GRM7: variants seen among roughly 807,000 people sequenced by gnomAD.
GRM7 encodes the protein metabotropic glutamate receptor 7.
Under a neutral mutation model 84.5 loss-of-function variants are expected in GRM7, and 35 were observed. The ratio of observed to expected loss-of-function variants is 0.41; its 90% confidence interval spans 0.32 to 0.55. The LOEUF (loss-of-function observed/expected upper bound fraction) is 0.55, where lower values mean the gene tolerates loss of function less well. GRM7 is among the 20% of genes least tolerant of loss of function. The pLI is 0.19. For missense variants in GRM7, 1,003 were observed against 1,194.6 expected (o/e 0.84, Z 2.36); for synonymous variants, 487 against 455.1 (o/e 1.07, Z -0.89).
intron 4 of GRM7, among the ~76,000 whole-genome samples, chr3:7,362,665 C>T (rs952608564): frequency 2.6e-5 from 4 of 152,010 alleles, no homozygotes; most frequent in African/African-American, 7.2e-5. Context: ...ATACCTTATG[C>T]GTGCTTCTTT....
intron 2 of GRM7, among the ~76,000 whole-genome samples, chr3:7,241,992 C>A (rs1292721787): frequency 6.6e-6 from 1 of 152,094 alleles, no homozygotes; most frequent in Non-Finnish European, 1.5e-5. Flanking sequence ...CTTAGTACTT[C>A]TTTTATAGCT....
chr3:7,429,848 A>G (rs1306067156), intron 5 of GRM7, among the ~76,000 whole-genome samples: 1 of 152,218 alleles, frequency 6.6e-6, no homozygotes, highest in Non-Finnish European at 1.5e-5. Context: ...TCCTTGTAAA[A>G]AGTTTAAACC....
chr3:7,727,786 G>A (rs988685061), intron 9 of GRM7, among the ~76,000 whole-genome samples: 1 of 152,050 alleles, frequency 6.6e-6, no homozygotes, highest in African/African-American at 2.4e-5. Flanking sequence ...GTTTTATATT[G>A]GTCGAGCTTT....
At chr3:7,637,040 T>G (rs1301341283) in intron 8 of GRM7, among the ~76,000 whole-genome samples, 1 of 152,250 alleles carries the variant, frequency 6.6e-6, no homozygotes, top group African/African-American at 2.4e-5. Context: ...TGAGGCATTC[T>G]AAATTTTTGC....
At chr3:7,619,472 C>G (rs1316394621) in intron 8 of GRM7, among the ~76,000 whole-genome samples, 1 of 151,234 alleles carries the variant, frequency 6.6e-6, no homozygotes, top group Non-Finnish European at 1.5e-5. Context: ...AAGCAAAGGC[C>G]CAAACCAAGA....
At chr3:7,501,825 A>G (rs555927705) in intron 7 of GRM7, among the ~76,000 whole-genome samples, 1 of 152,310 alleles carries the variant, frequency 6.6e-6, no homozygotes, top group South Asian at 2.1e-4. Context: ...GAAATAAACA[A>G]TTGGAAACAG....
intron 8 of GRM7, among the ~76,000 whole-genome samples, chr3:7,646,027 C>G (rs936580624): frequency 6.6e-6 from 1 of 150,748 alleles, no homozygotes; most frequent in Admixed American, 6.6e-5. Context: ...CTCTTCATTT[C>G]TCTTTCTCTT....
intron 8 of GRM7, among the ~76,000 whole-genome samples, chr3:7,678,476 A>G (rs962237935): frequency 9.9e-5 from 15 of 152,210 alleles, no homozygotes; most frequent in African/African-American, 3.6e-4. Context: ...GTCTATGTCT[A>G]TAAAGCCCTG....
intron 8 of GRM7, among the ~76,000 whole-genome samples, chr3:7,604,940 C>G (rs1214650493): frequency 6.6e-6 from 1 of 152,112 alleles, no homozygotes; most frequent in South Asian, 2.1e-4. Flanking sequence ...GCTTCCTTAT[C>G]TAATCAAAAC....
At chr3:7,015,549 T>C (rs1029545917) in intron 1 of GRM7, among the ~76,000 whole-genome samples, 3 of 152,158 alleles carry the variant, frequency 2.0e-5, no homozygotes, top group Non-Finnish European at 4.4e-5. Context: ...TGAAAACATA[T>C]CCCAGTTTCT....
At position 7,293,693 on chromosome 3, in the gene GRM7, C is replaced by T. The variant is rs901263552; in HGVS notation, c.737-4991C>T. On this transcript the variant is annotated intron_variant, in intron 2 of 9. Coordinates refer to ENST00000357716, the MANE Select transcript of GRM7 (RefSeq NM_000844.4). ...TCACCATTACTGAGAAATAAACTAACTGATATTCAAATACCAGGTATGTGT... is the reference window on the plus strand; with the variant it reads ...TCACCATTACTGAGAAATAAACTAATTGATATTCAAATACCAGGTATGTGT... 7.9e-5 allele frequency among the ~76,000 whole-genome samples: 12 copies of T among 152,304 alleles called. 1 individual carries two copies. The highest frequency in any genetic ancestry group is 7.2e-4 in the Admixed American group (11 of 15,294).
intron 1 of GRM7, among the ~76,000 whole-genome samples, chr3:6,890,482 G>A (rs892109131): frequency 6.6e-5 from 10 of 152,140 alleles, no homozygotes; most frequent in African/African-American, 1.9e-4. Context: ...TCTTCATTCC[G>A]TTATGTAGCC....
At chr3:7,109,900 T>C (rs1274759152) in intron 1 of GRM7, among the ~76,000 whole-genome samples, 1 of 152,064 alleles carries the variant, frequency 6.6e-6, no homozygotes, top group Non-Finnish European at 1.5e-5. Context: ...TCATCTAGAG[T>C]TGATTTTTGT....
At chr3:7,488,636 G>T (rs1699409066) in intron 7 of GRM7, among the ~76,000 whole-genome samples, 1 of 152,200 alleles carries the variant, frequency 6.6e-6, no homozygotes, top group Non-Finnish European at 1.5e-5. Context: ...CAACAGGCAA[G>T]CAGATGCTGG....
At chr3:7,133,270 C>G (rs959856132) in intron 1 of GRM7, among the ~76,000 whole-genome samples, 2 of 152,162 alleles carry the variant, frequency 1.3e-5, no homozygotes, top group African/African-American at 2.4e-5. Flanking sequence ...TTTGTGACTA[C>G]AGAGTGATGG....
chr3:7,303,336 A>G (rs1700074660), intron 3 of GRM7, among the ~76,000 whole-genome samples: 1 of 152,096 alleles, frequency 6.6e-6, no homozygotes, highest in Non-Finnish European at 1.5e-5. Context: ...GTTCCATCTC[A>G]CCATGCTTCC....
chr3:6,870,260 G>A (rs1695078428), intron 1 of GRM7, among the ~76,000 whole-genome samples: 1 of 152,174 alleles, frequency 6.6e-6, no homozygotes, highest in Non-Finnish European at 1.5e-5. Context: ...TAGGGTAATA[G>A]CGTAGATTTG....
In GRM7 at chr3:7,041,147, T is replaced by A. The variant is rs17216349; in HGVS notation, c.520-105305T>A. ...AAAATTTTCAACCACCTTTATCAAGTCCACATAAAATTAAGCACAAATAAA... is the reference window on the plus strand; with the variant it reads ...AAAATTTTCAACCACCTTTATCAAGACCACATAAAATTAAGCACAAATAAA... On this transcript the variant is annotated intron_variant, in intron 1 of 9. Transcript: ENST00000357716. Among the ~76,000 whole-genome samples the A allele has an allele frequency of 7.2e-3, 1,089 of 151,478 alleles. 35 individuals are homozygous for A. Among genetic ancestry groups the A allele is most frequent in the Admixed American group, 0.05 (754 of 15,200 alleles).
rs576474605 is a variant in GRM7 at position 7,519,387 on chromosome 3, T to A, written c.1515+57665T>A. On this transcript the variant is annotated intron_variant, in intron 7 of 9. Coordinates refer to ENST00000357716, the MANE Select transcript of GRM7 (RefSeq NM_000844.4). ...AAAAAAAAAAAAATGCCAAACATAT[T>A]TGCCATTATATTTTCATTCCTGCTG... is the stretch of plus-strand genomic sequence containing the variant. Among the ~76,000 whole-genome samples the A allele has an allele frequency of 2.0e-5, 3 of 148,518 alleles. No homozygotes were observed. The East Asian group carries it at 6.2e-4, about 31-fold the overall frequency.
Sources: gnomAD v4.1 joint callset for allele counts (sites outside exome capture counted in the v4.1 genomes callset) on GRCh38, gnomAD v4.1.1 for gene constraint, MANE v1.5 for transcripts, NCBI Gene and HGNC (gene_info 2026-07-23, HGNC 2026-07-21) for gene names.